NAALADL2: variants seen among roughly 807,000 people sequenced by gnomAD.
NAALADL2 encodes N-acetylated alpha-linked acidic dipeptidase like 2.
In NAALADL2, 76 loss-of-function variants were observed where a neutral mutation model predicts 87.2. That is an observed-to-expected ratio of 0.87 (90% confidence interval 0.72 to 1.05). The LOEUF (loss-of-function observed/expected upper bound fraction) is 1.05, where lower values mean the gene tolerates loss of function less well. Ranked by LOEUF, NAALADL2 falls within the 50% of genes least tolerant of loss-of-function variation. NAALADL2 has a pLI of 0.00. For synonymous variants in NAALADL2, 354 were observed against 331.0 expected (o/e 1.07, Z -0.75); for missense variants, 1,089 against 945.8 (o/e 1.15, Z -1.99).
At chr3:175,588,775 T>A (rs1265539289) in intron 10 of NAALADL2, among the ~76,000 whole-genome samples, 1 of 152,244 alleles carries the variant, frequency 6.6e-6, no homozygotes, top group East Asian at 1.9e-4. Context: ...CCTGACCTCG[T>A]GATCCGCCCG....
chr3:175,517,385 A>AT (rs1312528686), intron 9 of NAALADL2, among the ~76,000 whole-genome samples: 1 of 152,030 alleles, frequency 6.6e-6, no homozygotes, highest in South Asian at 2.1e-4. Context: ...GATTCAAAAT[A>AT]TTTTTTTCTT....
chr3:175,115,627 A>G (rs1316685771), intron 2 of NAALADL2, among the ~76,000 whole-genome samples: 1 of 151,682 alleles, frequency 6.6e-6, no homozygotes, highest in Non-Finnish European at 1.5e-5. Flanking sequence ...CTTAGAAAGT[A>G]TTTGCTAGGC....
chr3:175,170,936 A>T (rs1734714065), intron 2 of NAALADL2, among the ~76,000 whole-genome samples: 1 of 151,984 alleles, frequency 6.6e-6, no homozygotes, highest in South Asian at 2.1e-4. Flanking sequence ...AAATGCTAGT[A>T]TTGGCTGCCA....
chr3:175,260,452 T>C (rs908084177), intron 4 of NAALADL2, among the ~76,000 whole-genome samples: 1 of 152,190 alleles, frequency 6.6e-6, no homozygotes, highest in Admixed American at 6.5e-5. Context: ...TCTTTCAATA[T>C]ACATTCCATT....
chr3:174,908,338 CT>C (rs1221419991), intron 1 of NAALADL2, among the ~76,000 whole-genome samples: 2 of 151,986 alleles, frequency 1.3e-5, no homozygotes, highest in African/African-American at 4.8e-5. Flanking sequence ...GAATAAGTCA[CT>C]ATGGGAAAGT....
intron 2 of NAALADL2, among the ~76,000 whole-genome samples, chr3:174,671,783 G>T (rs1726562484): frequency 6.6e-6 from 1 of 151,956 alleles, no homozygotes; most frequent in Non-Finnish European, 1.5e-5. Context: ...TTCTGCTTTT[G>T]GTGCTGCAAA....
intron 1 of NAALADL2, among the ~76,000 whole-genome samples, chr3:175,038,755 T>G (rs990544201): frequency 6.6e-6 from 1 of 152,158 alleles, no homozygotes; most frequent in African/African-American, 2.4e-5. Flanking sequence ...AATATCTAAA[T>G]TTTACGTGCT....
At chr3:174,566,087 AT>A (rs761419573) in intron 2 of NAALADL2, among the ~76,000 whole-genome samples, 2 of 151,406 alleles carry the variant, frequency 1.3e-5, no homozygotes, top group Non-Finnish European at 3.0e-5. Flanking sequence ...GCCCTTTATA[AT>A]TTTAGTGGTT....
At chr3:175,379,798 A>T (rs1767579265) in intron 5 of NAALADL2, among the ~76,000 whole-genome samples, 1 of 152,178 alleles carries the variant, frequency 6.6e-6, no homozygotes, top group Non-Finnish European at 1.5e-5. Context: ...TGATCCAGAT[A>T]GCTTTATATT....
chr3:174,953,297 T>TCCTCTCCCCCCCCCCCC (rs1740651836), intron 1 of NAALADL2, among the ~76,000 whole-genome samples: 6 of 59,318 alleles, frequency 1.0e-4, no homozygotes, highest in Admixed American at 2.5e-4. Context: ...CTTTCTTGCC[T>TCCTCTCCCCCCCCCCCC]CCCCTCCCCT....
At chr3:174,647,207 T>C (rs1225457794) in intron 2 of NAALADL2, among the ~76,000 whole-genome samples, 1 of 152,196 alleles carries the variant, frequency 6.6e-6, no homozygotes, top group Admixed American at 6.5e-5. Context: ...CACAGATTTA[T>C]AGGTGGTGAA....
chr3:175,423,568 C>A (rs1369144015), intron 5 of NAALADL2, among the ~76,000 whole-genome samples: 2 of 152,074 alleles, frequency 1.3e-5, no homozygotes, highest in African/African-American at 4.8e-5. Flanking sequence ...TTTCCAGCTT[C>A]ATCCATGTCC....
chr3:175,715,060 C>G (rs975427626), intron 11 of NAALADL2, among the ~76,000 whole-genome samples: 1 of 152,140 alleles, frequency 6.6e-6, no homozygotes, highest in African/African-American at 2.4e-5. Context: ...CAGATTTTCC[C>G]TAATATTCTT....
chr3:175,051,424 C>T (rs1175483405), intron 1 of NAALADL2, among the ~76,000 whole-genome samples: 2 of 152,108 alleles, frequency 1.3e-5, no homozygotes, highest in Non-Finnish European at 2.9e-5. Context: ...CTCCAGAGCT[C>T]ACAGACCTGT....
chr3:175,307,924 A>T (rs1340820055), intron 4 of NAALADL2, among the ~76,000 whole-genome samples: 2 of 152,192 alleles, frequency 1.3e-5, no homozygotes. Flanking sequence ...TTATCACAAC[A>T]TGAGCAAAAC....
chr3:174,962,141 G>T (rs1443939942), intron 1 of NAALADL2, among the ~76,000 whole-genome samples: 2 of 151,654 alleles, frequency 1.3e-5, no homozygotes, highest in Non-Finnish European at 2.9e-5. Context: ...CATTTAGTGA[G>T]ATCTCTCGCC....
At chr3:174,834,220 A>G (rs913248090) in intron 3 of NAALADL2, among the ~76,000 whole-genome samples, 1 of 148,674 alleles carries the variant, frequency 6.7e-6, no homozygotes, top group African/African-American at 2.5e-5. Context: ...ATAATTATCT[A>G]AACAGAAGAG....
intron 1 of NAALADL2, among the ~76,000 whole-genome samples, chr3:174,938,056 T>A (rs1428952096): frequency 1.1e-4 from 17 of 152,146 alleles, no homozygotes; most frequent in East Asian, 1.9e-4. Context: ...GGGGGGTACA[T>A]GTGAAGGTTT....
At chr3:175,483,406 T>C (rs1726803763) in intron 9 of NAALADL2, among the ~76,000 whole-genome samples, 1 of 151,706 alleles carries the variant, frequency 6.6e-6, no homozygotes, top group South Asian at 2.1e-4. Flanking sequence ...TTGCTAATAT[T>C]TTTTTCTTAT....
Sources: gnomAD v4.1 joint callset for allele counts (sites outside exome capture counted in the v4.1 genomes callset) on GRCh38, gnomAD v4.1.1 for gene constraint, MANE v1.5 for transcripts, NCBI Gene and HGNC (gene_info 2026-07-23, HGNC 2026-07-21) for gene names.